ANGPT1: variants seen among roughly 807,000 people sequenced by gnomAD.
ANGPT1 encodes the protein angiopoietin 1, also known as angiopoietin-1.
A neutral mutation model predicts 62.2 loss-of-function variants in ANGPT1; 17 were observed. The ratio of observed to expected loss-of-function variants is 0.27; its 90% CI spans 0.19 to 0.41. The LOEUF is 0.41. ANGPT1 is among the 10% of genes least tolerant of loss of function. The pLI is 1.00. For synonymous variants in ANGPT1, 199 were observed against 198.9 expected, an observed-to-expected ratio of 1.00 and a Z score of 0.00; for missense variants, 478 against 594.9, an observed-to-expected ratio of 0.80 and a Z score of 2.04.
At chr8:107,295,537 G>A (rs893645562) in intron 5 of ANGPT1, 2 of 152,052 alleles carry the variant, frequency 1.3e-5, no homozygotes, top group African/African-American at 2.4e-5. Flanking sequence ...AGTTTCAATA[G>A]TGACTGATCC....
At chr8:107,488,486 C>T (rs193248739) in intron 1 of ANGPT1, among the ~76,000 whole-genome samples, 147 of 152,124 alleles carry the variant, frequency 9.7e-4, no homozygotes, top group Non-Finnish European at 1.5e-3. Context: ...TAAACTTCTG[C>T]GGAATAATTC....
At chr8:107,381,853 T>C (rs1816643765) in intron 1 of ANGPT1, among the ~76,000 whole-genome samples, 1 of 152,198 alleles carries the variant, frequency 6.6e-6, no homozygotes, top group African/African-American at 2.4e-5. Flanking sequence ...AGCTAAGGTT[T>C]GTTGGCTGAT....
intron 6 of ANGPT1, among the ~76,000 whole-genome samples, chr8:107,291,209 A>G (rs1194627323): frequency 6.6e-6 from 1 of 152,158 alleles, no homozygotes; most frequent in Non-Finnish European, 1.5e-5. Context: ...CATCTTGGAT[A>G]ATAAAAATAA....
At chr8:107,461,817 G>T (rs1443977149) in intron 1 of ANGPT1, among the ~76,000 whole-genome samples, 3 of 152,004 alleles carry the variant, frequency 2.0e-5, no homozygotes, top group African/African-American at 7.2e-5. Flanking sequence ...TGATGGTATG[G>T]GGCGATCTCT....
intron 8 of ANGPT1, among the ~76,000 whole-genome samples, chr8:107,258,146 G>A (rs762426266): frequency 6.6e-6 from 1 of 151,952 alleles, no homozygotes; most frequent in African/African-American, 2.4e-5. Flanking sequence ...CTTGCAAAAA[G>A]ATGCTGCAAA....
intron 1 of ANGPT1, among the ~76,000 whole-genome samples, chr8:107,439,935 C>CAT (rs1811430031): frequency 6.6e-6 from 1 of 152,102 alleles, no homozygotes; most frequent in South Asian, 2.1e-4. Flanking sequence ...TTAGTCTGGA[C>CAT]ATGGTGGGTA....
At chr8:107,396,677 T>C (rs1255166913) in intron 1 of ANGPT1, among the ~76,000 whole-genome samples, 1 of 151,852 alleles carries the variant, frequency 6.6e-6, no homozygotes, top group African/African-American at 2.4e-5. Flanking sequence ...AGTGTCACCA[T>C]GCCTGGCTAA....
chr8:107,308,136 G>A (rs764724370), intron 4 of ANGPT1, among the ~76,000 whole-genome samples: 5 of 151,898 alleles, frequency 3.3e-5, no homozygotes, highest in Non-Finnish European at 7.4e-5. Flanking sequence ...CTTCTCCTAG[G>A]CAATGGAGAT....
At chr8:107,293,380 G>T (rs535323020) in intron 6 of ANGPT1, among the ~76,000 whole-genome samples, 1 of 152,124 alleles carries the variant, frequency 6.6e-6, no homozygotes, top group African/African-American at 2.4e-5. Flanking sequence ...TTCATTTCTG[G>T]GTCTAATAAA....
intron 1 of ANGPT1, among the ~76,000 whole-genome samples, chr8:107,486,816 G>A (rs1485298222): frequency 6.6e-6 from 1 of 152,158 alleles, no homozygotes; most frequent in African/African-American, 2.4e-5. Flanking sequence ...ATAGGAAATA[G>A]TGGACACAAA....
At chr8:107,276,040 C>G (rs775910035) in intron 7 of ANGPT1, among the ~76,000 whole-genome samples, 24 of 152,052 alleles carry the variant, frequency 1.6e-4, no homozygotes, top group Non-Finnish European at 3.4e-4. Context: ...ACTTAAAAGA[C>G]CTAAAGAAGG....
At chr8:107,304,113 A>G (rs1814659239) in intron 4 of ANGPT1, among the ~76,000 whole-genome samples, 1 of 151,880 alleles carries the variant, frequency 6.6e-6, no homozygotes. Flanking sequence ...CTTTGAAATT[A>G]AATTATACAG....
intron 1 of ANGPT1, among the ~76,000 whole-genome samples, chr8:107,432,348 A>G (rs889573333): frequency 6.6e-6 from 1 of 152,208 alleles, no homozygotes; most frequent in Non-Finnish European, 1.5e-5. Flanking sequence ...CTTTCTTAGG[A>G]AATAAAAAGA....
chr8:107,454,633 C>T (rs777875095), intron 1 of ANGPT1, among the ~76,000 whole-genome samples: 6 of 151,986 alleles, frequency 3.9e-5, no homozygotes, highest in Non-Finnish European at 2.9e-5. Context: ...CTAAACAACC[C>T]GCTAATGCGC....
At chr8:107,404,876 G>C (rs1817117118) in intron 1 of ANGPT1, among the ~76,000 whole-genome samples, 1 of 152,010 alleles carries the variant, frequency 6.6e-6, no homozygotes, top group Non-Finnish European at 1.5e-5. Context: ...AAACGTGGAG[G>C]GAAATCATTG....
intron 1 of ANGPT1, among the ~76,000 whole-genome samples, chr8:107,348,674 C>T (rs973738621): frequency 4.6e-5 from 7 of 152,140 alleles, no homozygotes; most frequent in Admixed American, 6.6e-5. Flanking sequence ...CATATTTAAA[C>T]AACAAGAGGC....
intron 4 of ANGPT1, among the ~76,000 whole-genome samples, chr8:107,310,949 G>A (rs1814838899): frequency 1.0e-5 from 1 of 98,846 alleles, no homozygotes; most frequent in Admixed American, 1.3e-4. Context: ...GTGTGTGTGT[G>A]TATGTATGTG....
intron 1 of ANGPT1, among the ~76,000 whole-genome samples, chr8:107,436,440 A>C (rs1029660503): frequency 6.6e-6 from 1 of 152,292 alleles, no homozygotes; most frequent in Non-Finnish European, 1.5e-5. Flanking sequence ...TGTACTGTCT[A>C]TTTGTTAGCT....
chr8:107,277,175 C>A (rs546584884), intron 7 of ANGPT1, among the ~76,000 whole-genome samples: 4 of 152,140 alleles, frequency 2.6e-5, no homozygotes, highest in South Asian at 4.2e-4. Context: ...GCTCATGATA[C>A]CATCTGTGAC....
Sources: gnomAD v4.1 joint callset for allele counts (sites outside exome capture counted in the v4.1 genomes callset) on GRCh38, gnomAD v4.1.1 for gene constraint, MANE v1.5 for transcripts, NCBI Gene and HGNC (gene_info 2026-07-23, HGNC 2026-07-21) for gene names.